RAPGEF2: variants seen among roughly 807,000 people sequenced by gnomAD.
The protein encoded by RAPGEF2 is PDZ domain containing guanine nucleotide exchange factor (GEF) 1.
In RAPGEF2, 54 loss-of-function variants were observed where a neutral mutation model predicts 186.7. That is an observed-to-expected ratio of 0.29 (90% CI 0.23 to 0.36). The LOEUF (loss-of-function observed/expected upper bound fraction) is 0.36. Ranked by LOEUF, RAPGEF2 falls within the 10% of genes least tolerant of loss-of-function variation. RAPGEF2 has a pLI of 1.00. For missense variants in RAPGEF2, 1,532 were observed against 2,045.0 expected (o/e 0.75, Z 4.84); for synonymous variants, 712 against 705.9 (o/e 1.01, Z -0.14).
intron 19 of RAPGEF2, 46 bp downstream of exon 19, chr4:159,339,400 C>G: frequency 6.3e-7 from 1 of 1,579,846 alleles, no homozygotes; most frequent in Non-Finnish European, 8.6e-7. Flanking sequence ...CCTCTTCGAA[C>G]CCACATCAAA....
At chr4:159,117,611 A>G (rs1003773799) in intron 1 of RAPGEF2, among the ~76,000 whole-genome samples, 34 of 151,524 alleles carry the variant, frequency 2.2e-4, no homozygotes, top group African/African-American at 8.2e-4. Context: ...TTACAAATTC[A>G]TATCTTTAAT....
At chr4:159,168,662 C>G (rs966871126) in intron 1 of RAPGEF2, among the ~76,000 whole-genome samples, 1 of 152,068 alleles carries the variant, frequency 6.6e-6, no homozygotes, top group African/African-American at 2.4e-5. Flanking sequence ...ACTTTGAAAA[C>G]GACACCTCTT....
intron 1 of RAPGEF2, among the ~76,000 whole-genome samples, chr4:159,135,623 G>A (rs1741636560): frequency 6.6e-6 from 1 of 151,852 alleles, no homozygotes; most frequent in Non-Finnish European, 1.5e-5. Context: ...TTTTGAGACG[G>A]AGTTTTGCTC....
At chr4:159,206,166 G>A (rs1202101906) in intron 3 of RAPGEF2, among the ~76,000 whole-genome samples, 1 of 152,164 alleles carries the variant, frequency 6.6e-6, no homozygotes, top group Non-Finnish European at 1.5e-5. Context: ...TCCTGACCTC[G>A]TGATCCACCC....
rs112080018 is a variant in RAPGEF2 at position 159,194,683 on chromosome 4, C to CTT, written c.197+1435_197+1436dup. 1.0e-2 allele frequency among the ~76,000 whole-genome samples: 1,505 copies of CTT among 151,086 alleles called. 29 individuals are homozygous for CTT. The highest frequency in any genetic ancestry group is 0.035 in the African/African-American group (1,428 of 41,200). On this transcript the variant is annotated intron_variant, in intron 3 of 29. Coordinates refer to ENST00000691494, the MANE Select transcript of RAPGEF2 (RefSeq NM_001394067.2). ...CATGAAAATATTCAAAGTTTTTGTC[C>CTT]TTTTTTTTTAACAGCTTATTTATTT...
chr4:159,238,070 G>A (rs1040494386), intron 4 of RAPGEF2, among the ~76,000 whole-genome samples: 3 of 151,556 alleles, frequency 2.0e-5, no homozygotes, highest in South Asian at 2.1e-4. Flanking sequence ...TGAGTGAGGT[G>A]TTATATTAAC....
chr4:159,234,767 T>C (rs992775128), intron 4 of RAPGEF2, among the ~76,000 whole-genome samples: 2 of 151,640 alleles, frequency 1.3e-5, no homozygotes, highest in Admixed American at 6.6e-5. Context: ...CAGCCTATTA[T>C]TATTATTTTT....
At chr4:159,246,942 TATATG>T (rs1386606849) in intron 7 of RAPGEF2, among the ~76,000 whole-genome samples, 2 of 152,276 alleles carry the variant, frequency 1.3e-5, no homozygotes, top group Admixed American at 6.5e-5. Flanking sequence ...GGCTATAATT[TATATG>T]ATATTTAAAA....
chr4:159,344,210 T>C (rs1580024324), intron 23 of RAPGEF2, 151 bp downstream of exon 23: 1 of 758,436 alleles, frequency 1.3e-6, no homozygotes, highest in Non-Finnish European at 2.2e-6. Context: ...GCAAATTGAC[T>C]TCAAGTTTAA....
At chr4:159,231,717 C>A (rs1752666081) in intron 4 of RAPGEF2, among the ~76,000 whole-genome samples, 1 of 152,080 alleles carries the variant, frequency 6.6e-6, no homozygotes. Context: ...AGGAAATGCT[C>A]ATTGGAGCAT....
chr4:159,291,213 A>T (rs1355713831), intron 7 of RAPGEF2, among the ~76,000 whole-genome samples: 1 of 152,196 alleles, frequency 6.6e-6, no homozygotes, highest in Non-Finnish European at 1.5e-5. Flanking sequence ...TAGAGGTAGG[A>T]TCTGAGATGT....
chr4:159,306,857 T>A (rs1304516749), intron 8 of RAPGEF2, among the ~76,000 whole-genome samples: 1 of 152,182 alleles, frequency 6.6e-6, no homozygotes, highest in East Asian at 1.9e-4. Context: ...CTTGTGTTTT[T>A]AAAAAATTAT....
chr4:159,320,633 T>G (rs552639627), intron 9 of RAPGEF2, among the ~76,000 whole-genome samples: 60 of 152,202 alleles, frequency 3.9e-4, no homozygotes, highest in Admixed American at 9.2e-4. Flanking sequence ...ATAGGAGGGA[T>G]GACATAGAGT....
intron 1 of RAPGEF2, among the ~76,000 whole-genome samples, chr4:159,153,189 TA>T (rs1743753758): frequency 6.6e-6 from 1 of 152,238 alleles, no homozygotes; most frequent in Non-Finnish European, 1.5e-5. Context: ...GATTTTGATG[TA>T]GAATTTTGGA....
intron 7 of RAPGEF2, among the ~76,000 whole-genome samples, chr4:159,295,748 T>TGCGCGCGCGCGCGC (rs1344833740): frequency 8.9e-6 from 1 of 112,092 alleles, no homozygotes; most frequent in African/African-American, 3.8e-5. Context: ...TGTGTGTGTG[T>TGCGCGCGCGCGCGC]GTGTGTGCGC....
intron 7 of RAPGEF2, among the ~76,000 whole-genome samples, chr4:159,266,474 T>C (rs577894291): frequency 6.6e-6 from 1 of 152,354 alleles, no homozygotes; most frequent in South Asian, 2.1e-4. Flanking sequence ...TATAATGCAG[T>C]CTTTCAAATA....
At chr4:159,133,526 C>G (rs965477079) in intron 1 of RAPGEF2, among the ~76,000 whole-genome samples, 2 of 152,026 alleles carry the variant, frequency 1.3e-5, no homozygotes, top group African/African-American at 4.8e-5. Context: ...GTTCTCCTGC[C>G]TCAGCCTCCC....
intron 10 of RAPGEF2, among the ~76,000 whole-genome samples, chr4:159,323,020 A>G (rs1765440898): frequency 6.6e-6 from 1 of 152,198 alleles, no homozygotes; most frequent in Admixed American, 6.5e-5. Flanking sequence ...TATATTTCCC[A>G]TTATTTACAG....
intron 9 of RAPGEF2, among the ~76,000 whole-genome samples, chr4:159,318,861 T>C (rs1021622569): frequency 2.6e-5 from 4 of 152,202 alleles, no homozygotes; most frequent in African/African-American, 9.6e-5. Flanking sequence ...AGTTAATTAT[T>C]TGGGTTTTTT....
Sources: allele counts gnomAD v4.1 joint callset (sites outside exome capture counted in the v4.1 genomes callset), GRCh38; gene constraint gnomAD v4.1.1; transcripts MANE v1.5; gene names NCBI Gene and HGNC (gene_info 2026-07-23, HGNC 2026-07-21).